The following ANKDD1A variants were observed in gnomAD, a reference collection of about 807,000 sequenced individuals.
The protein encoded by ANKDD1A is ankyrin repeat and death domain-containing protein 1A.
In ANKDD1A, 59 loss-of-function variants were observed where a neutral mutation model predicts 63.5. The observed-to-expected ratio is 0.93, with a 90% CI of 0.75 to 1.15. The LOEUF (loss-of-function observed/expected upper bound fraction) is 1.15, where lower values mean the gene tolerates loss of function less well. Ranked by LOEUF, ANKDD1A falls within the 50% of genes most tolerant of loss-of-function variation. The probability of loss-of-function intolerance (pLI) is 0.00; values close to 1 mark genes in which losing one functional copy is unlikely to be tolerated. For synonymous variants in ANKDD1A, 266 were observed against 263.9 expected (o/e 1.01, Z -0.08); for missense variants, 632 against 656.4 (o/e 0.96, Z 0.41).
At chr15:64,952,529 T>C (rs553057973) in intron 14 of ANKDD1A, among the ~76,000 whole-genome samples, 1,372 of 41,644 alleles carry the variant, frequency 0.033, 40 homozygotes, top group African/African-American at 0.099. Context: ...TCTTCCTTCG[T>C]CTTCTTCTCC....
intron 13 of ANKDD1A, among the ~76,000 whole-genome samples, chr15:64,948,154 T>C: frequency 1.3e-5 from 2 of 152,110 alleles, no homozygotes; most frequent in Admixed American, 1.3e-4. Flanking sequence ...GCAAAAAATA[T>C]AGAGAGAGAA....
At position 64,917,480 on chromosome 15, in the gene ANKDD1A, A is replaced by G. The variant is rs1160591863; in HGVS notation, c.233A>G (p.Asp78Gly). ...CACGAGGCTGCTGTGGACGAGGAGG[A>G]TGCGGTAGGGGCCCTCACAGAGGCA... Reference protein sequence around the residue: ...LEHEAAVDEEDAVGALTEARL... With the variant: ...LEHEAAVDEEGAVGALTEARL... Residue 78 changes from aspartate to glycine, a missense_variant, in exon 3 of 15, where the codon GAT (aspartate) becomes GGT (glycine). Physicochemically the swap from Asp to Gly is moderately conservative, Grantham distance 94. Coordinates refer to ENST00000319580, the MANE Select transcript of ANKDD1A (RefSeq NM_182703.6). The G allele has an allele frequency of 1.3e-6, 2 of 1,596,066 alleles. No homozygotes were observed. The highest frequency in any genetic ancestry group is 2.7e-5 in the African/African-American group (2 of 74,544).
rs202129999 is a variant in ANKDD1A, at chr15:64,915,828, C to T, written c.66C>T (p.Ala22=). ...LLPLERQLHE[A]ARQNNVGRMQ... is the part of the protein sequence containing the mutation. ...CTCTGGAGAGGCAGCTCCACGAGGC[C>T]GCCCGCCAGAACAATGTCGGCAGGA... Residue 22 remains alanine, a synonymous_variant, in exon 2 of 15, where the codon GCC becomes GCT. Coordinates refer to ENST00000319580, the MANE Select transcript of ANKDD1A (RefSeq NM_182703.6). 1.2e-5 allele frequency: 19 copies of T among 1,613,940 alleles called. No individual in the cohort carries two copies. The African/African-American group carries it at 1.5e-4, about 12-fold the overall frequency.
In ANKDD1A at chr15:64,926,975, C is replaced by A. The variant is rs1044032920; in HGVS notation, c.546C>A (p.Gly182=). ...CTCTGGACTTCCTCGTGGGCTCTGG[C>A]TGTGACCACAATGTCAAAGACAAGG... ...LDALDFLVGS[G]CDHNVKDKEG... Residue 182 remains glycine, a synonymous_variant, in exon 6 of 15, where the codon GGC becomes GGA. Coordinates refer to ENST00000319580, the MANE Select transcript of ANKDD1A (RefSeq NM_182703.6). 3 of 1,614,080 alleles carry A rather than the reference C, an allele frequency of 1.9e-6. No individual in the cohort carries two copies. Among genetic ancestry groups the A allele is most frequent in the Non-Finnish European group, 2.5e-6 (3 of 1,180,048 alleles).
rs371614197 is a variant in ANKDD1A at position 64,915,904 on chromosome 15, C to T, written c.138+4C>T. ...TAACACCAGGGCCAGAAACCACGTG[C>T]GTAATGAGCTTCTCTGAATCCAGGC... On this transcript the variant is annotated splice_donor_region_variant and intron_variant, in intron 2 of 14. Transcript: ENST00000319580. 27 of 1,612,188 alleles carry T rather than the reference C, an allele frequency of 1.7e-5. No individual in the cohort carries two copies. The highest frequency in any genetic ancestry group is 2.0e-5 in the Non-Finnish European group (23 of 1,179,034).
Position 64,951,742 on chromosome 15 carries a change from TTCC to T in ANKDD1A, c.1483+1773_1483+1775del, listed in dbSNP as rs201616439. On this transcript the variant is annotated intron_variant, in intron 14 of 14. Transcript: ENST00000319580. ...CTTCCCTTTTCTTCTTTCCTCCTTC[TTCC>T]TCTTCTTCCTTCTTTCCTTTTCTTC... is the stretch of plus-strand genomic sequence containing the variant. 1.0e-4 allele frequency among the ~76,000 whole-genome samples: 15 copies of T among 148,086 alleles called. 1 individual carries two copies. Among genetic ancestry groups the T allele is most frequent in the East Asian group, 9.7e-4 (5 of 5,150 alleles).
chr15:64,944,623 T>G, intron 11 of ANKDD1A, 29 bp from the exon 12 acceptor site: 6 of 1,606,722 alleles, frequency 3.7e-6, no homozygotes, highest in Non-Finnish European at 5.1e-6. Context: ...GTAGAAACTC[T>G]GGCTTCTCTT....
chr15:64,954,434 TCG>T (rs2085385551), intron 14 of ANKDD1A, among the ~76,000 whole-genome samples: 5 of 141,836 alleles, frequency 3.5e-5, no homozygotes, highest in East Asian at 4.0e-4. Flanking sequence ...CCTTCGTTCG[TCG>T]TCTTCTCCTT....
At chr15:64,935,535 C>G (rs2085123896) in intron 9 of ANKDD1A, among the ~76,000 whole-genome samples, 1 of 151,990 alleles carries the variant, frequency 6.6e-6, no homozygotes, top group South Asian at 2.1e-4. Context: ...ATTAGCCGGG[C>G]TTTGTGTCAG....
intron 13 of ANKDD1A, 115 bp from the exon 14 acceptor site, chr15:64,949,724 CCT>C: frequency 2.0e-6 from 3 of 1,471,854 alleles, no homozygotes; most frequent in Non-Finnish European, 2.7e-6. Context: ...AGGCTTTTGG[CCT>C]CTTTCCCACC....
intron 14 of ANKDD1A, among the ~76,000 whole-genome samples, chr15:64,953,975 TTCCTCTATC>T (rs2140392147): frequency 9.0e-5 from 2 of 22,160 alleles, no homozygotes; most frequent in South Asian, 4.4e-3. Flanking sequence ...TTCTTCTTTC[TTCCTCTATC>T]TTCTTCCTTT....
At chr15:64,937,107 T>TG (rs2085139924) in intron 9 of ANKDD1A, among the ~76,000 whole-genome samples, 1 of 152,054 alleles carries the variant, frequency 6.6e-6, no homozygotes, top group Non-Finnish European at 1.5e-5. Context: ...GAGTAGAAGT[T>TG]GGTACAATCT....
intron 11 of ANKDD1A, chr15:64,943,827 C>T (rs949694024): frequency 3.8e-6 from 2 of 530,448 alleles, no homozygotes; most frequent in South Asian, 4.5e-5. Context: ...GAAATGATTG[C>T]TTTCTCCTTT....
chr15:64,954,827 TTTG>T lies in ANKDD1A; in HGVS notation c.1484-2270_1484-2268del, dbSNP rs543370058. Among the ~76,000 whole-genome samples, 388 of 147,540 alleles carry T rather than the reference TTTG, an allele frequency of 2.6e-3. 2 individuals carry two copies. The highest frequency in any genetic ancestry group is 0.015 in the East Asian group (77 of 5,000). On this transcript the variant is annotated intron_variant, in intron 14 of 14. Transcript: ENST00000319580. ...CTTCTTCCTTGTTCTTCTCCTTCTT[TTTG>T]TTGTTCTTTCTTCTTCCTTCTTCTT...
chr15:64,956,367 G>A (rs565730728), intron 14 of ANKDD1A, among the ~76,000 whole-genome samples: 293 of 151,966 alleles, frequency 1.9e-3, no homozygotes, highest in Middle Eastern at 6.8e-3. Flanking sequence ...GGCTAACACA[G>A]TGAAACCCTG....
intron 14 of ANKDD1A, among the ~76,000 whole-genome samples, 198 bp from the exon 15 acceptor site, chr15:64,956,905 T>C (rs987189848): frequency 1.3e-5 from 2 of 152,192 alleles, no homozygotes; most frequent in Non-Finnish European, 2.9e-5. Flanking sequence ...TTGTGATCTA[T>C]TACGTTATGA....
chr15:64,948,611 G>A (rs1435149268), intron 13 of ANKDD1A, among the ~76,000 whole-genome samples: 1 of 152,122 alleles, frequency 6.6e-6, no homozygotes, highest in African/African-American at 2.4e-5. Flanking sequence ...GATCACCTGA[G>A]GTTAGGAGTT....
chr15:64,913,203 A>G (rs575996932), intron 1 of ANKDD1A, among the ~76,000 whole-genome samples: 2 of 152,304 alleles, frequency 1.3e-5, no homozygotes, highest in East Asian at 3.9e-4. Flanking sequence ...GAAGGGACCT[A>G]TACAGATCTC....
intron 14 of ANKDD1A, among the ~76,000 whole-genome samples, chr15:64,953,892 C>T (rs1595860704): frequency 1.4e-5 from 1 of 71,532 alleles, no homozygotes; most frequent in African/African-American, 4.2e-5. Context: ...TCTTCTTCCT[C>T]TTTTCTTTCT....
Sources: gnomAD v4.1 joint callset for allele counts (sites outside exome capture counted in the v4.1 genomes callset) on GRCh38, gnomAD v4.1.1 for gene constraint, MANE v1.5 for transcripts, NCBI Gene and HGNC (gene_info 2026-07-23, HGNC 2026-07-21) for gene names.